The following MEMO1 variants were observed in gnomAD, a reference collection of about 807,000 sequenced individuals.
MEMO1 encodes the protein protein MEMO1.
Under a neutral mutation model 45.2 loss-of-function variants are expected in MEMO1, and 6 were observed. The observed-to-expected ratio is 0.13, with a 90% CI of 0.07 to 0.26. The LOEUF (loss-of-function observed/expected upper bound fraction) is 0.26. MEMO1 is among the 10% of genes least tolerant of loss of function. MEMO1 has a pLI of 1.00. For synonymous variants in MEMO1, 78 were observed against 124.3 expected (o/e 0.63, Z 2.48); for missense variants, 184 against 370.5 (o/e 0.50, Z 4.13).
chr2:32,010,331 G>C (rs1467264946), intron 1 of MEMO1, 67 bp from the exon 2 acceptor site: 2 of 796,924 alleles, frequency 2.5e-6, no homozygotes, highest in East Asian at 3.9e-5. Flanking sequence ...GCGAGGGGAC[G>C]AGACACCGCG....
At chr2:31,888,883 G>A (rs1017925732) in intron 7 of MEMO1, among the ~76,000 whole-genome samples, 1 of 152,018 alleles carries the variant, frequency 6.6e-6, no homozygotes, top group Non-Finnish European at 1.5e-5. Flanking sequence ...CAACTAGAAA[G>A]AAAACTTGAG....
rs530683737 is a variant in MEMO1, at chr2:31,997,042, AC to A, written c.61+13144del. Among the ~76,000 whole-genome samples, 5 of 152,276 alleles carry A rather than the reference AC, an allele frequency of 3.3e-5. No homozygotes were observed. In the South Asian group the frequency reaches 1.0e-3, roughly 32 times the overall value. On this transcript the variant is annotated intron_variant, in intron 2 of 9. Coordinates refer to ENST00000404530, the MANE Select transcript of MEMO1 (RefSeq NM_001301833.4). ...GAAAAACAGATGTAATAGTTCCTAA[AC>A]TTATTTGACCATAAACCCTTTCTGC...
chr2:31,877,544 A>C (rs1289174902), intron 8 of MEMO1, among the ~76,000 whole-genome samples: 1 of 150,798 alleles, frequency 6.6e-6, no homozygotes, highest in Non-Finnish European at 1.5e-5. Flanking sequence ...ATATACAATG[A>C]GTTTCCCAGG....
intron 6 of MEMO1, among the ~76,000 whole-genome samples, chr2:31,892,727 G>C (rs889138035): frequency 9.9e-5 from 15 of 152,212 alleles, no homozygotes; most frequent in Non-Finnish European, 1.8e-4. Flanking sequence ...TTGGCATCTA[G>C]AATAGACAAA....
At chr2:31,925,975 C>A (rs1683041539) in intron 4 of MEMO1, among the ~76,000 whole-genome samples, 1 of 152,136 alleles carries the variant, frequency 6.6e-6, no homozygotes. Flanking sequence ...GTAAGCTGAA[C>A]CAGACATTTT....
At chr2:31,919,426 T>C (rs148385791) in intron 5 of MEMO1, among the ~76,000 whole-genome samples, 90 of 152,262 alleles carry the variant, frequency 5.9e-4, no homozygotes, top group African/African-American at 2.1e-3. Flanking sequence ...GTGCTGGGAT[T>C]TCAGCCATGA....
Position 32,008,623 on chromosome 2 carries a change from T to A in MEMO1, c.61+1564A>T, listed in dbSNP as rs111402818. Among the ~76,000 whole-genome samples, 1,109 of 152,194 alleles carry A rather than the reference T, an allele frequency of 7.3e-3. 15 individuals are homozygous for A. The highest frequency in any genetic ancestry group is 0.026 in the African/African-American group (1,071 of 41,544). On this transcript the variant is annotated intron_variant, in intron 2 of 9. Transcript: ENST00000404530. ...AACCACTTCTCTACATGTTTCCCCA[T>A]AAGCTGAACAAGAATAATTTAACTG...
At chr2:31,887,222 A>G (rs1332752648) in intron 7 of MEMO1, among the ~76,000 whole-genome samples, 1 of 152,180 alleles carries the variant, frequency 6.6e-6, no homozygotes, top group Non-Finnish European at 1.5e-5. Flanking sequence ...TAATGAGGAC[A>G]AACATAACAA....
chr2:31,996,630 A>G (rs1572931918), intron 2 of MEMO1, among the ~76,000 whole-genome samples: 1 of 152,370 alleles, frequency 6.6e-6, no homozygotes, highest in African/African-American at 2.4e-5. Context: ...ATTCATAGAA[A>G]TAGTGAAAAG....
intron 2 of MEMO1, among the ~76,000 whole-genome samples, chr2:31,995,542 A>G (rs1395799215): frequency 1.3e-5 from 2 of 152,208 alleles, no homozygotes; most frequent in Non-Finnish European, 2.9e-5. Flanking sequence ...ATTAAAAGCA[A>G]AATTAGATAC....
At chr2:31,951,263 A>G (rs937882703) in intron 2 of MEMO1, among the ~76,000 whole-genome samples, 1 of 152,230 alleles carries the variant, frequency 6.6e-6, no homozygotes, top group African/African-American at 2.4e-5. Context: ...TCCAAATGAT[A>G]ATTTTAAGTT....
chr2:31,977,182 T>C (rs1415816692), intron 2 of MEMO1, among the ~76,000 whole-genome samples: 1 of 152,116 alleles, frequency 6.6e-6, no homozygotes, highest in South Asian at 2.1e-4. Flanking sequence ...TATGACAAAT[T>C]CAGTTCATGA....
intron 2 of MEMO1, among the ~76,000 whole-genome samples, chr2:31,960,035 A>G (rs1273011803): frequency 6.6e-6 from 1 of 152,152 alleles, no homozygotes; most frequent in East Asian, 1.9e-4. Flanking sequence ...CAGCCTGGCT[A>G]AAAGTACAAA....
At chr2:31,928,016 G>C (rs1374116989) in intron 4 of MEMO1, among the ~76,000 whole-genome samples, 6 of 152,170 alleles carry the variant, frequency 3.9e-5, no homozygotes, top group Non-Finnish European at 8.8e-5. Context: ...ATTAATCACT[G>C]TGTCTCTAGC....
At chr2:31,976,826 G>A (rs914260417) in intron 2 of MEMO1, among the ~76,000 whole-genome samples, 1 of 152,054 alleles carries the variant, frequency 6.6e-6, no homozygotes, top group African/African-American at 2.4e-5. Context: ...CGAGATTTAT[G>A]AGACAGGATG....
At chr2:31,920,595 T>C (rs1682177315) in intron 5 of MEMO1, among the ~76,000 whole-genome samples, 1 of 152,200 alleles carries the variant, frequency 6.6e-6, no homozygotes, top group Admixed American at 6.5e-5. Flanking sequence ...GACAGATTTC[T>C]GTAGCTAGCT....
chr2:31,885,511 A>T (rs537334896), intron 7 of MEMO1, among the ~76,000 whole-genome samples: 1 of 152,346 alleles, frequency 6.6e-6, no homozygotes, highest in Admixed American at 6.5e-5. Context: ...GATTCAATTC[A>T]TTTGATACTA....
intron 2 of MEMO1, among the ~76,000 whole-genome samples, chr2:31,961,970 C>T (rs1047157052): frequency 5.3e-5 from 8 of 151,924 alleles, no homozygotes; most frequent in Non-Finnish European, 1.0e-4. Flanking sequence ...ACTCTAAGAC[C>T]AAGTCATTCC....
intron 7 of MEMO1, among the ~76,000 whole-genome samples, chr2:31,891,296 T>C (rs1040500867): frequency 1.3e-5 from 2 of 152,072 alleles, no homozygotes; most frequent in Non-Finnish European, 2.9e-5. Flanking sequence ...CAGTAATGGA[T>C]AAAGGAAAGC....
Sources: allele counts gnomAD v4.1 joint callset (sites outside exome capture counted in the v4.1 genomes callset), GRCh38; gene constraint gnomAD v4.1.1; transcripts MANE v1.5; gene names NCBI Gene and HGNC (gene_info 2026-07-23, HGNC 2026-07-21).